AGBL4: variants seen among roughly 807,000 people sequenced by gnomAD.
AGBL4 encodes cytosolic carboxypeptidase 6.
AGBL4 carries 58 observed loss-of-function variants against 66.4 expected under a neutral mutation model. The ratio of observed to expected loss-of-function variants is 0.87; its 90% CI spans 0.71 to 1.09. The LOEUF is 1.09. Among genes scored for constraint, AGBL4 ranks in the 50% least tolerant of loss-of-function variants. The pLI, the probability that AGBL4 is intolerant of heterozygous loss-of-function variation, is 0.00. For missense variants in AGBL4, 579 were observed against 631.0 expected (o/e 0.92, Z 0.88); for synonymous variants, 234 against 222.9 (o/e 1.05, Z -0.44).
chr1:49,764,742 A>G (rs934628456), intron 2 of AGBL4, among the ~76,000 whole-genome samples: 4 of 152,126 alleles, frequency 2.6e-5, no homozygotes, highest in African/African-American at 9.7e-5. Context: ...AAACAGCAAT[A>G]TTGCCACATC....
chr1:48,580,610 T>A (rs904533368), intron 11 of AGBL4, among the ~76,000 whole-genome samples: 5 of 152,214 alleles, frequency 3.3e-5, no homozygotes, highest in African/African-American at 1.2e-4. Flanking sequence ...GAACTTTTAA[T>A]TTCCTGAGAG....
intron 4 of AGBL4, among the ~76,000 whole-genome samples, chr1:49,129,472 C>T (rs557237263): frequency 1.4e-5 from 2 of 142,848 alleles, no homozygotes; most frequent in South Asian, 2.3e-4. Flanking sequence ...CCTCCCCCAA[C>T]CCCACAACAG....
intron 1 of AGBL4, among the ~76,000 whole-genome samples, chr1:49,940,668 A>G (rs929853387): frequency 3.3e-5 from 5 of 151,164 alleles, no homozygotes; most frequent in Non-Finnish European, 5.9e-5. Context: ...ACATGGACAC[A>G]GGAAGGGGAA....
At chr1:49,053,881 G>A (rs896863738) in intron 4 of AGBL4, among the ~76,000 whole-genome samples, 23 of 152,104 alleles carry the variant, frequency 1.5e-4, no homozygotes, top group African/African-American at 4.8e-4. Flanking sequence ...TAACATGCCC[G>A]CATAAAAATC....
At chr1:49,235,674 A>G (rs972224267) in intron 4 of AGBL4, among the ~76,000 whole-genome samples, 1 of 152,218 alleles carries the variant, frequency 6.6e-6, no homozygotes, top group South Asian at 2.1e-4. Flanking sequence ...CCTATCACTT[A>G]TAAGGGGAGC....
chr1:49,967,890 C>A (rs769115121), intron 1 of AGBL4, among the ~76,000 whole-genome samples: 2 of 151,906 alleles, frequency 1.3e-5, no homozygotes, highest in African/African-American at 4.8e-5. Context: ...ATAGACTTTA[C>A]AGGGTTTTTT....
chr1:49,247,862 T>C (rs1053046758), intron 3 of AGBL4, among the ~76,000 whole-genome samples: 2 of 152,126 alleles, frequency 1.3e-5, no homozygotes, highest in South Asian at 2.1e-4. Flanking sequence ...TTTAGCCCGA[T>C]TTTAGATGTG....
intron 6 of AGBL4, among the ~76,000 whole-genome samples, chr1:48,845,046 A>G (rs10888626): frequency 0.33 from 49,744 of 152,066 alleles, 8,582 homozygotes; most frequent in East Asian, 0.71. Flanking sequence ...CTGGACAGCT[A>G]GTATGTTTTT....
At chr1:49,389,165 C>T (rs770620726) in intron 3 of AGBL4, among the ~76,000 whole-genome samples, 4 of 152,038 alleles carry the variant, frequency 2.6e-5, no homozygotes, top group Non-Finnish European at 5.9e-5. Flanking sequence ...GCTGTTACCT[C>T]CTTCCTTCAG....
At chr1:49,723,102 A>G (rs889537407) in intron 2 of AGBL4, among the ~76,000 whole-genome samples, 3 of 152,232 alleles carry the variant, frequency 2.0e-5, no homozygotes, top group Admixed American at 2.0e-4. Flanking sequence ...TGTTATTTCC[A>G]GAAATCAATG....
chr1:49,702,715 T>A (rs1647122768), intron 2 of AGBL4, among the ~76,000 whole-genome samples: 1 of 151,950 alleles, frequency 6.6e-6, no homozygotes, highest in African/African-American at 2.4e-5. Flanking sequence ...ACTAACAAAC[T>A]GAATCTAGCA....
intron 8 of AGBL4, among the ~76,000 whole-genome samples, chr1:48,634,850 T>C (rs909454058): frequency 6.6e-6 from 1 of 152,138 alleles, no homozygotes; most frequent in Non-Finnish European, 1.5e-5. Flanking sequence ...GATTCAAAAG[T>C]ATTTCTGTGG....
At chr1:49,855,050 T>G (rs1209385151) in intron 1 of AGBL4, among the ~76,000 whole-genome samples, 1 of 152,170 alleles carries the variant, frequency 6.6e-6, no homozygotes, top group African/African-American at 2.4e-5. Flanking sequence ...GTAAGTTTCC[T>G]AAGGCCTCCC....
intron 2 of AGBL4, among the ~76,000 whole-genome samples, chr1:49,699,041 A>T (rs2124620401): frequency 6.6e-6 from 1 of 152,228 alleles, no homozygotes; most frequent in South Asian, 2.1e-4. Flanking sequence ...TTAAAGCACC[A>T]GGGTGAGACC....
chr1:49,303,040 C>T (rs751142291), intron 3 of AGBL4, among the ~76,000 whole-genome samples: 19 of 152,200 alleles, frequency 1.2e-4, no homozygotes, highest in Non-Finnish European at 2.8e-4. Context: ...ATATGTACCA[C>T]ATTTTCTTTA....
At chr1:48,743,759 T>C (rs114056380) in intron 6 of AGBL4, among the ~76,000 whole-genome samples, 1,826 of 152,266 alleles carry the variant, frequency 0.012, 34 homozygotes, top group African/African-American at 0.042. Flanking sequence ...TCTTTATATA[T>C]TAAAGCCCTT....
chr1:48,839,693 A>G (rs868435140), intron 6 of AGBL4, among the ~76,000 whole-genome samples: 16 of 152,300 alleles, frequency 1.1e-4, no homozygotes, highest in African/African-American at 3.6e-4. Context: ...TCAACTTTGC[A>G]TACGGGCAAA....
At chr1:49,840,628 C>T (rs1054670429) in intron 2 of AGBL4, among the ~76,000 whole-genome samples, 1 of 152,120 alleles carries the variant, frequency 6.6e-6, no homozygotes, top group Non-Finnish European at 1.5e-5. Context: ...CAACAAAATA[C>T]TAGAAAACTG....
At chr1:49,853,822 A>G (rs1281335761) in intron 1 of AGBL4, among the ~76,000 whole-genome samples, 1 of 152,146 alleles carries the variant, frequency 6.6e-6, no homozygotes, top group East Asian at 1.9e-4. Context: ...AAAATTTTAT[A>G]CCAACTGAAA....
Sources: allele counts gnomAD v4.1 joint callset (sites outside exome capture counted in the v4.1 genomes callset), GRCh38; gene constraint gnomAD v4.1.1; transcripts MANE v1.5; gene names NCBI Gene and HGNC (gene_info 2026-07-23, HGNC 2026-07-21).